XPR1: variants seen among roughly 807,000 people sequenced by gnomAD.
The protein encoded by XPR1 is xenotropic and polytropic retrovirus receptor 1, also known as solute carrier family 53 member 1.
Under a neutral mutation model 87.5 loss-of-function variants are expected in XPR1, and 28 were observed. The observed-to-expected ratio is 0.32, with a 90% confidence interval of 0.24 to 0.44. XPR1 has a LOEUF of 0.44. Among genes scored for constraint, XPR1 ranks in the 20% least tolerant of loss-of-function variants. The pLI is 1.00. For missense variants in XPR1, 559 were observed against 862.3 expected (o/e 0.65, Z 4.41); for synonymous variants, 300 against 306.1 (o/e 0.98, Z 0.21).
chr1:180,836,741 G>T (rs756928572), intron 11 of XPR1, 25 bp downstream of exon 11: 3 of 1,609,124 alleles, frequency 1.9e-6, no homozygotes, highest in South Asian at 1.1e-5. Context: ...ACTCTGAAGA[G>T]ATTTTTTTAA....
chr1:180,682,819 TGTG>T (rs1409630079), intron 2 of XPR1, among the ~76,000 whole-genome samples: 3 of 151,092 alleles, frequency 2.0e-5, no homozygotes, highest in South Asian at 2.1e-4. Flanking sequence ...TTACAATGGA[TGTG>T]TGTGTGTGTG....
chr1:180,791,358 G>C (rs1056011634), intron 3 of XPR1, among the ~76,000 whole-genome samples: 8 of 152,014 alleles, frequency 5.3e-5, no homozygotes, highest in Non-Finnish European at 1.0e-4. Flanking sequence ...TGCAACCTCT[G>C]CCTCCCAGGT....
chr1:180,795,679 C>G (rs774206707), intron 3 of XPR1, among the ~76,000 whole-genome samples: 3 of 151,960 alleles, frequency 2.0e-5, no homozygotes, highest in Admixed American at 1.3e-4. Context: ...CAAAGTATGC[C>G]GTGAACCAAG....
chr1:180,647,886 G>C (rs1204411710), intron 1 of XPR1, among the ~76,000 whole-genome samples: 1 of 135,418 alleles, frequency 7.4e-6, no homozygotes, highest in Non-Finnish European at 1.5e-5. Context: ...GGGTGACAGA[G>C]TGAGACTCTT....
intron 3 of XPR1, among the ~76,000 whole-genome samples, chr1:180,792,954 T>C (rs1450813358): frequency 6.6e-6 from 1 of 152,152 alleles, no homozygotes; most frequent in Non-Finnish European, 1.5e-5. Context: ...CACAAAACAG[T>C]CAAGCCTTTT....
At chr1:180,770,371 C>T (rs1285539327) in intron 2 of XPR1, among the ~76,000 whole-genome samples, 1 of 152,080 alleles carries the variant, frequency 6.6e-6, no homozygotes, top group African/African-American at 2.4e-5. Flanking sequence ...CCTCACATGC[C>T]ATTTCCTTGA....
At chr1:180,750,979 A>G (rs911104329) in intron 2 of XPR1, among the ~76,000 whole-genome samples, 5 of 152,018 alleles carry the variant, frequency 3.3e-5, no homozygotes, top group South Asian at 2.1e-4. Context: ...GATCTTGCAC[A>G]TATGTTGCTA....
chr1:180,717,001 CT>C (rs1297733177), intron 2 of XPR1, among the ~76,000 whole-genome samples: 1 of 152,000 alleles, frequency 6.6e-6, no homozygotes, highest in South Asian at 2.1e-4. Flanking sequence ...TTTCTTTTTC[CT>C]TTTTTTGGAG....
Position 180,685,455 on chromosome 1 carries a change from G to A in XPR1, c.121+3044G>A, listed in dbSNP as rs374567292. ...TATTGGTCTAAAATTCTCTTTTTTT[G>A]TTGTGTCTCTGCCAGGCTTTGGTAT... is the stretch of plus-strand genomic sequence containing the variant. On this transcript the variant is annotated intron_variant, in intron 2 of 14. Transcript: ENST00000367590. Among the ~76,000 whole-genome samples the A allele has an allele frequency of 8.8e-3, 1,332 of 152,080 alleles. 11 individuals carry two copies. Among genetic ancestry groups the A allele is most frequent in the Non-Finnish European group, 0.014 (985 of 67,946 alleles).
At chr1:180,865,322 C>T (rs989109620) in intron 12 of XPR1, among the ~76,000 whole-genome samples, 19 of 151,860 alleles carry the variant, frequency 1.3e-4, no homozygotes, top group African/African-American at 4.6e-4. Context: ...TTAAAAATGG[C>T]CCTTTTGTGC....
intron 11 of XPR1, among the ~76,000 whole-genome samples, chr1:180,839,242 A>G (rs1651420231): frequency 6.6e-6 from 1 of 152,192 alleles, no homozygotes; most frequent in South Asian, 2.1e-4. Context: ...GGTTGAAAGC[A>G]AAGAGTTGAA....
intron 2 of XPR1, among the ~76,000 whole-genome samples, chr1:180,754,184 C>T (rs965926940): frequency 2.0e-5 from 3 of 152,088 alleles, no homozygotes; most frequent in African/African-American, 2.4e-5. Flanking sequence ...TGTCAGTTTC[C>T]TAAAAGCAAG....
At position 180,632,134 on chromosome 1, in the gene XPR1, C is replaced by A; in HGVS notation, c.-68C>A. On this transcript the variant is annotated 5_prime_UTR_variant, in exon 1 of 15. Transcript: ENST00000367590. The stretch of plus-strand genomic sequence containing the variant: ...CGCCGGGGCCCATGTGGGGAGGAGT[C>A]GGAGTCGCTGTTGCCGCCGCCGCCT... 1 of 1,544,244 alleles carries A rather than the reference C, an allele frequency of 6.5e-7. No individual in the cohort carries two copies. Among genetic ancestry groups the A allele is most frequent in the South Asian group, 1.2e-5 (1 of 84,706 alleles).
intron 1 of XPR1, among the ~76,000 whole-genome samples, chr1:180,662,069 T>G (rs970081438): frequency 3.3e-5 from 5 of 152,240 alleles, no homozygotes; most frequent in Non-Finnish European, 5.9e-5. Context: ...TTATTTTTGA[T>G]CAGTTCATCT....
intron 3 of XPR1, among the ~76,000 whole-genome samples, chr1:180,800,477 A>G (rs755707668): frequency 9.9e-5 from 15 of 152,230 alleles, no homozygotes; most frequent in Non-Finnish European, 2.1e-4. Context: ...GAATTCTGCC[A>G]CAACCAAGTG....
intron 1 of XPR1, among the ~76,000 whole-genome samples, chr1:180,677,672 G>A (rs546522671): frequency 2.2e-4 from 34 of 152,192 alleles, no homozygotes; most frequent in Non-Finnish European, 3.4e-4. Flanking sequence ...TTCTAATCTT[G>A]TGACTAGTTA....
At chr1:180,804,015 T>C (rs911491542) in intron 4 of XPR1, among the ~76,000 whole-genome samples, 1 of 151,700 alleles carries the variant, frequency 6.6e-6, no homozygotes, top group African/African-American at 2.4e-5. Context: ...AAACAGAGTC[T>C]CACTGTGTCA....
rs1487140308 is a variant in XPR1, at chr1:180,888,624, ATATTCT to A, written c.*4560_*4565del. On this transcript the variant is annotated 3_prime_UTR_variant, in exon 15 of 15. Coordinates refer to ENST00000367590, the MANE Select transcript of XPR1 (RefSeq NM_004736.4). ...TAAATCCAATTTATCAGCTTTGTTC[ATATTCT>A]TTTTCTGAGTGATCTAAATTTTTCT... The A allele has an allele frequency of 2.0e-5, 3 of 152,046 alleles. No individual in the cohort carries two copies. The highest frequency in any genetic ancestry group is 7.2e-5 in the African/African-American group (3 of 41,430). 9.4% of individuals were successfully genotyped at this position (152,046 alleles called of 1,614,324 possible).
At position 180,831,368 on chromosome 1, in the gene XPR1, T is replaced by TTTTC. The variant is rs1651058368; in HGVS notation, c.1135-3503_1135-3502insCTTT. On this transcript the variant is annotated intron_variant, in intron 9 of 14. Coordinates refer to ENST00000367590, the MANE Select transcript of XPR1 (RefSeq NM_004736.4). ...TCTATTTTCTTTTCTTTTTCTTTTT[T>TTTTC]TTTTTTTTTTTTTGATAACATGGGT... is the stretch of plus-strand genomic sequence containing the variant. 0.012 allele frequency among the ~76,000 whole-genome samples: 34 copies of TTTTC among 2,862 alleles called. No individual in the cohort carries two copies. The South Asian group carries it at 0.19, about 16-fold the overall frequency. The allele number at this position is 2,862 out of a possible 152,430, so 1.9% of individuals were successfully genotyped here.
Sources: allele counts gnomAD v4.1 joint callset (sites outside exome capture counted in the v4.1 genomes callset), GRCh38; gene constraint gnomAD v4.1.1; transcripts MANE v1.5; gene names NCBI Gene and HGNC (gene_info 2026-07-23, HGNC 2026-07-21).